The following LRIG3 variants were observed in gnomAD, a reference collection of about 807,000 sequenced individuals.
LRIG3 encodes the protein leucine-rich repeats and immunoglobulin-like domains protein 3.
A neutral mutation model predicts 114.5 loss-of-function variants in LRIG3; 76 were observed. The observed-to-expected ratio is 0.66, with a 90% CI of 0.55 to 0.80. The LOEUF (loss-of-function observed/expected upper bound fraction) is 0.80. Ranked by LOEUF, LRIG3 falls within the 30% of genes least tolerant of loss-of-function variation. The probability of loss-of-function intolerance (pLI) is 0.00; values close to 1 mark genes in which losing one functional copy is unlikely to be tolerated. For missense variants in LRIG3, 1,239 were observed against 1,382.8 expected, an observed-to-expected ratio of 0.90 and a Z score of 1.65; for synonymous variants, 512 against 519.8, an observed-to-expected ratio of 0.98 and a Z score of 0.20.
chr12:58,895,819 C>T (rs1435545551), intron 3 of LRIG3, among the ~76,000 whole-genome samples: 5 of 152,172 alleles, frequency 3.3e-5, no homozygotes, highest in South Asian at 2.1e-4. Flanking sequence ...GGATGACGAG[C>T]GACCTTGATG....
chr12:58,878,406 A>C (rs912101420), intron 14 of LRIG3, among the ~76,000 whole-genome samples: 63 of 152,248 alleles, frequency 4.1e-4, no homozygotes, highest in African/African-American at 1.4e-3. Context: ...TGAAAAAAAA[A>C]CTCTGACTTC....
intron 3 of LRIG3, among the ~76,000 whole-genome samples, chr12:58,898,768 C>T (rs1871735831): frequency 6.6e-6 from 1 of 152,154 alleles, no homozygotes; most frequent in African/African-American, 2.4e-5. Flanking sequence ...AAGCAATTCT[C>T]CAGCCTCAGC....
At chr12:58,919,280 C>T (rs1441817697) in intron 1 of LRIG3, 3 of 1,020,752 alleles carry the variant, frequency 2.9e-6, no homozygotes, top group East Asian at 5.8e-5. Flanking sequence ...CAAAAACTTG[C>T]ATAAGAGCTC....
intron 3 of LRIG3, among the ~76,000 whole-genome samples, chr12:58,910,100 C>T (rs1295601921): frequency 1.3e-5 from 2 of 152,128 alleles, no homozygotes; most frequent in African/African-American, 4.8e-5. Context: ...GGGAAGATGA[C>T]AGGCTATAAA....
intron 9 of LRIG3, among the ~76,000 whole-genome samples, chr12:58,886,380 T>C (rs985768224): frequency 3.3e-5 from 5 of 151,958 alleles, no homozygotes; most frequent in African/African-American, 9.7e-5. Flanking sequence ...AATTATAAGA[T>C]GTTTTCATCC....
At chr12:58,910,021 C>T (rs547931195) in intron 3 of LRIG3, among the ~76,000 whole-genome samples, 26 of 152,280 alleles carry the variant, frequency 1.7e-4, no homozygotes, top group African/African-American at 6.0e-4. Flanking sequence ...GTACATGTTT[C>T]GGTGTCCTAC....
At chr12:58,899,083 TG>T (rs1871750387) in intron 3 of LRIG3, among the ~76,000 whole-genome samples, 1 of 152,232 alleles carries the variant, frequency 6.6e-6, no homozygotes, top group Non-Finnish European at 1.5e-5. Flanking sequence ...CAGGGGCTTC[TG>T]GAAGACCAGA....
Position 58,874,518 on chromosome 12 carries a change from C to G in LRIG3, c.2751G>C (p.Leu917=), listed in dbSNP as rs1870850965. ...TGGATCCCAAAAACGGACAAAGGAA[C>G]AGATCTGTGGCAGCTTCCACATCAG... ...SEADVEAATD[L]FLCPFLGSTG... Residue 917 remains leucine (L), a synonymous_variant, in exon 17 of 19, where the codon CTG becomes CTC. Transcript: ENST00000320743. 1 of 1,614,178 alleles carries G rather than the reference C, an allele frequency of 6.2e-7. No individual in the cohort carries two copies. The highest frequency in any genetic ancestry group is 1.3e-5 in the African/African-American group (1 of 75,048).
chr12:58,899,025 C>G (rs984305840), intron 3 of LRIG3, among the ~76,000 whole-genome samples: 3 of 152,208 alleles, frequency 2.0e-5, no homozygotes, highest in African/African-American at 7.2e-5. Flanking sequence ...CATTCTGACT[C>G]TCTGCACCAG....
chr12:58,917,298 C>G (rs1872513487), intron 1 of LRIG3, among the ~76,000 whole-genome samples: 1 of 152,186 alleles, frequency 6.6e-6, no homozygotes, highest in African/African-American at 2.4e-5. Flanking sequence ...TTTAATAATA[C>G]TGGAAGTTCT....
chr12:58,874,594 T>C, intron 16 of LRIG3, 21 bp from the exon 17 acceptor site: 1 of 1,612,814 alleles, frequency 6.2e-7, no homozygotes, highest in Non-Finnish European at 8.5e-7. Context: ...AAAATCTTAG[T>C]CAATGATCCA....
intron 10 of LRIG3, among the ~76,000 whole-genome samples, chr12:58,884,926 T>C (rs1018410770): frequency 1.3e-5 from 2 of 152,046 alleles, no homozygotes; most frequent in Non-Finnish European, 2.9e-5. Flanking sequence ...AAAACATACA[T>C]CCATGGTTAT....
intron 13 of LRIG3, among the ~76,000 whole-genome samples, chr12:58,880,110 T>TA (rs1245533607): frequency 6.6e-6 from 1 of 151,934 alleles, no homozygotes; most frequent in Non-Finnish European, 1.5e-5. Flanking sequence ...GCCTGACCAA[T>TA]ATAGTGAAAC....
intron 3 of LRIG3, among the ~76,000 whole-genome samples, chr12:58,904,105 T>C (rs1428950917): frequency 1.3e-5 from 2 of 152,130 alleles, no homozygotes; most frequent in South Asian, 2.1e-4. Context: ...CTGTGAAGAA[T>C]TGCCTTTTCT....
intron 4 of LRIG3, 133 bp from the exon 5 acceptor site, chr12:58,890,272 C>T (rs1374502712): frequency 1.6e-5 from 15 of 937,692 alleles, no homozygotes; most frequent in Non-Finnish European, 2.2e-5. Context: ...CTTTTTAGGT[C>T]CTCAAGGACA....
intron 1 of LRIG3, among the ~76,000 whole-genome samples, chr12:58,918,898 G>T (rs868272726): frequency 6.6e-6 from 1 of 152,180 alleles, no homozygotes; most frequent in Non-Finnish European, 1.5e-5. Flanking sequence ...ATTCACAAAA[G>T]TTATTTAGAT....
intron 3 of LRIG3, among the ~76,000 whole-genome samples, chr12:58,901,199 A>G (rs1184040083): frequency 6.6e-6 from 1 of 152,222 alleles, no homozygotes; most frequent in Non-Finnish European, 1.5e-5. Flanking sequence ...AAAAGTGACA[A>G]CAAGCTTACT....
At position 58,920,222 on chromosome 12, in the gene LRIG3, C is replaced by T; in HGVS notation, c.14G>A (p.Ser5Asn). 1.4e-6 allele frequency: 2 copies of T among 1,385,954 alleles called. No individual in the cohort carries two copies. The highest frequency in any genetic ancestry group is 5.2e-4 in the Middle Eastern group (2 of 3,836). The allele number at this position is 1,385,954 out of a possible 1,614,324, so 85.9% of individuals were successfully genotyped here. A position where few individuals can be genotyped will look rare whatever the true frequency, so the allele number is the denominator to read the frequency against. ...CAACCCCGCGGCGCGCGCACGGAGG[C>T]TCGGCGCGCTCATCGCGGTCCAGCG... is the stretch of plus-strand genomic sequence containing the variant. MSAP[S>N]LRARAAGLGL... The change falls in exon 1 of 19, where the codon AGC (serine) becomes AAC (asparagine). Residue 5 changes from serine to asparagine, a missense_variant. Coordinates refer to ENST00000320743, the MANE Select transcript of LRIG3 (RefSeq NM_153377.5).
intron 10 of LRIG3, among the ~76,000 whole-genome samples, chr12:58,885,185 CTGG>C (rs1871236738): frequency 6.6e-6 from 1 of 152,102 alleles, no homozygotes. Flanking sequence ...CAGCTACTAA[CTGG>C]TGGGTCAAGA....
Sources: gnomAD v4.1 joint callset for allele counts (sites outside exome capture counted in the v4.1 genomes callset) on GRCh38, gnomAD v4.1.1 for gene constraint, MANE v1.5 for transcripts, NCBI Gene and HGNC (gene_info 2026-07-23, HGNC 2026-07-21) for gene names.